The following RGS7 variants were observed in gnomAD, a reference collection of about 807,000 sequenced individuals.
RGS7 encodes regulator of G protein signaling 7, also known as regulator of G-protein signaling 7.
In RGS7, 27 loss-of-function variants were observed where a neutral mutation model predicts 81.1. That is an observed-to-expected ratio of 0.33 (90% CI 0.25 to 0.46). RGS7 has a LOEUF of 0.46. RGS7 is among the 20% of genes least tolerant of loss of function. The pLI, the probability that RGS7 is intolerant of heterozygous loss-of-function variation, is 1.00. For missense variants in RGS7, 396 were observed against 607.4 expected (o/e 0.65, Z 3.66); for synonymous variants, 208 against 207.7 (o/e 1.00, Z -0.01).
chr1:241,053,336 G>A (rs767622406), intron 3 of RGS7, among the ~76,000 whole-genome samples: 6 of 152,106 alleles, frequency 3.9e-5, no homozygotes, highest in Non-Finnish European at 8.8e-5. Context: ...ACTCTTTATC[G>A]TGGCCTTGTA....
At chr1:240,844,398 C>T (rs9660110) in intron 9 of RGS7, among the ~76,000 whole-genome samples, 101,883 of 151,260 alleles carry the variant, frequency 0.67, 34,704 homozygotes, top group Middle Eastern at 0.77. Context: ...TTAAGACCTT[C>T]CTGCTATCAT....
chr1:241,090,117 T>C (rs2063784273), intron 3 of RGS7, among the ~76,000 whole-genome samples: 2 of 151,986 alleles, frequency 1.3e-5, no homozygotes, highest in Non-Finnish European at 2.9e-5. Context: ...AGGTTTGCAA[T>C]TTGAAAATAG....
chr1:241,260,344 C>A (rs181727826), intron 2 of RGS7, among the ~76,000 whole-genome samples: 15 of 152,326 alleles, frequency 9.8e-5, no homozygotes, highest in African/African-American at 3.6e-4. Flanking sequence ...GCCCTAAATA[C>A]CTGCTCAGTG....
chr1:240,984,745 G>A (rs575724403), intron 3 of RGS7, among the ~76,000 whole-genome samples: 2 of 152,064 alleles, frequency 1.3e-5, no homozygotes, highest in South Asian at 2.1e-4. Flanking sequence ...TACCCACCTC[G>A]GAGATTTGGC....
intron 10 of RGS7, 28 bp downstream of exon 10, chr1:240,827,070 A>G: frequency 6.3e-7 from 1 of 1,577,246 alleles, no homozygotes; most frequent in Non-Finnish European, 8.7e-7. Flanking sequence ...TCCATCACCA[A>G]GATCAGCACA....
At chr1:241,051,517 A>G (rs546439548) in intron 3 of RGS7, among the ~76,000 whole-genome samples, 1 of 152,116 alleles carries the variant, frequency 6.6e-6, no homozygotes, top group South Asian at 2.1e-4. Flanking sequence ...TGACTTCTTT[A>G]TTTGGTCAAA....
At chr1:241,030,845 C>T (rs1488680725) in intron 3 of RGS7, among the ~76,000 whole-genome samples, 2 of 152,076 alleles carry the variant, frequency 1.3e-5, no homozygotes, top group Non-Finnish European at 2.9e-5. Flanking sequence ...ACTGACAGTC[C>T]AAGGCTGTGA....
chr1:241,186,760 C>A (rs931167909), intron 2 of RGS7, among the ~76,000 whole-genome samples: 1 of 151,976 alleles, frequency 6.6e-6, no homozygotes, highest in African/African-American at 2.4e-5. Context: ...CTCCCAAACT[C>A]AGGTGATCCA....
intron 4 of RGS7, among the ~76,000 whole-genome samples, chr1:240,967,519 G>C (rs1394612772): frequency 6.7e-6 from 1 of 149,846 alleles, no homozygotes; most frequent in African/African-American, 2.5e-5. Context: ...GTAATACCCC[G>C]GGCACAAGCA....
intron 2 of RGS7, among the ~76,000 whole-genome samples, chr1:241,339,966 A>G (rs140876605): frequency 7.3e-4 from 111 of 152,332 alleles, no homozygotes; most frequent in African/African-American, 2.5e-3. Flanking sequence ...GTGAGCTTTG[A>G]GTCAAATCAA....
At chr1:241,240,725 T>A (rs2076221645) in intron 2 of RGS7, among the ~76,000 whole-genome samples, 1 of 152,324 alleles carries the variant, frequency 6.6e-6, no homozygotes, top group Non-Finnish European at 1.5e-5. Context: ...ATAATGTTAA[T>A]CATAACATGG....
At chr1:240,892,057 G>A (rs1399299145) in intron 6 of RGS7, among the ~76,000 whole-genome samples, 1 of 152,114 alleles carries the variant, frequency 6.6e-6, no homozygotes, top group Non-Finnish European at 1.5e-5. Context: ...CCCAGGGGTG[G>A]TAGTTTATGG....
rs556292219 is a variant in RGS7, at chr1:241,230,065, A to G, written c.78+125634T>C. ...AATGACTTCCATCAATTTATATTTAAGTTTTTTTTTTTCACTGAATAATTC... is the reference window on the plus strand; with the variant it reads ...AATGACTTCCATCAATTTATATTTAGGTTTTTTTTTTTCACTGAATAATTC... On this transcript the variant is annotated intron_variant, in intron 2 of 18. Coordinates refer to ENST00000440928, the MANE Select transcript of RGS7 (RefSeq NM_001364886.1). 8.8e-3 allele frequency among the ~76,000 whole-genome samples: 1,053 copies of G among 119,494 alleles called. 14 individuals carry two copies. The highest frequency in any genetic ancestry group is 0.033 in the African/African-American group (1,001 of 30,030). 78.4% of individuals were successfully genotyped at this position (119,494 alleles called of 152,430 possible).
At chr1:241,020,114 T>C (rs966501600) in intron 3 of RGS7, among the ~76,000 whole-genome samples, 1 of 152,290 alleles carries the variant, frequency 6.6e-6, no homozygotes, top group East Asian at 1.9e-4. Flanking sequence ...TCTGAAAAAA[T>C]GGGTATAAGA....
At chr1:240,982,499 G>A (rs972460802) in intron 4 of RGS7, among the ~76,000 whole-genome samples, 2 of 149,906 alleles carry the variant, frequency 1.3e-5, no homozygotes, top group Non-Finnish European at 3.0e-5. Context: ...AATGCAAAGT[G>A]TGAACTCATA....
Position 240,868,102 on chromosome 1 carries a change from A to G in RGS7, c.609+485T>C, listed in dbSNP as rs868293602. Among the ~76,000 whole-genome samples the G allele has an allele frequency of 8.1e-5, 9 of 110,760 alleles. No homozygotes were observed. Among genetic ancestry groups the G allele is most frequent in the Non-Finnish European group, 1.0e-4 (5 of 48,440 alleles). 72.7% of individuals were successfully genotyped at this position (110,760 alleles called of 152,430 possible). A position where few individuals can be genotyped will look rare whatever the true frequency, so the allele number is the denominator to read the frequency against. On this transcript the variant is annotated intron_variant, in intron 9 of 18. Transcript: ENST00000440928. The surrounding 1 kb of genome is among the most constrained non-coding windows in gnomAD (Gnocchi z 5.1). ...AGAAAGAAAAAGAAAGAAAAGAAAA[A>G]GAAAGAAAAGAAAAGGAAAGAAAGA... is the stretch of plus-strand genomic sequence containing the variant.
chr1:241,288,330 G>C (rs1377801568), intron 2 of RGS7, among the ~76,000 whole-genome samples: 1 of 152,286 alleles, frequency 6.6e-6, no homozygotes, highest in South Asian at 2.1e-4. Context: ...TTCAGGATTC[G>C]ACTCCAGCTC....
intron 5 of RGS7, among the ~76,000 whole-genome samples, chr1:240,934,258 C>T (rs1430584741): frequency 6.6e-6 from 1 of 152,184 alleles, no homozygotes; most frequent in Admixed American, 6.5e-5. Flanking sequence ...CTGCGCCCAG[C>T]CTAGATTCTT....
intron 2 of RGS7, among the ~76,000 whole-genome samples, chr1:241,249,820 C>T (rs1252648993): frequency 5.9e-5 from 9 of 152,056 alleles, no homozygotes; most frequent in Non-Finnish European, 1.5e-5. Context: ...GACACCAGAA[C>T]ATTTTCCTTA....
Sources: gnomAD v4.1 joint callset for allele counts (sites outside exome capture counted in the v4.1 genomes callset) on GRCh38, gnomAD v4.1.1 for gene constraint, Gnocchi (gnomAD v3.1) non-coding constraint, MANE v1.5 for transcripts, NCBI Gene and HGNC (gene_info 2026-07-23, HGNC 2026-07-21) for gene names.